TNNI3K: variants seen among roughly 807,000 people sequenced by gnomAD.
TNNI3K encodes TNNI3 interacting kinase.
A neutral mutation model predicts 114.5 loss-of-function variants in TNNI3K; 140 were observed. The observed-to-expected ratio is 1.22, with a 90% CI of 1.07 to 1.41. TNNI3K has a LOEUF of 1.41. TNNI3K is among the 40% of genes most tolerant of loss of function. The probability of loss-of-function intolerance (pLI) is 0.00; values close to 1 mark genes in which losing one functional copy is unlikely to be tolerated. For synonymous variants in TNNI3K, 347 were observed against 347.5 expected (o/e 1.00, Z 0.02); for missense variants, 1,125 against 1,007.6 (o/e 1.12, Z -1.58).
chr1:74,394,257 T>C (rs1368881011), intron 17 of TNNI3K, among the ~76,000 whole-genome samples: 2 of 152,214 alleles, frequency 1.3e-5, no homozygotes, highest in South Asian at 4.1e-4. Context: ...TTAGAAAGCT[T>C]TTAGGTGTTG....
At chr1:74,304,615 A>G (rs1438668497) in intron 5 of TNNI3K, among the ~76,000 whole-genome samples, 1 of 151,948 alleles carries the variant, frequency 6.6e-6, no homozygotes, top group Non-Finnish European at 1.5e-5. Flanking sequence ...TCTAATTTTT[A>G]TTTTTTTTTT....
At chr1:74,309,829 A>G (rs562324231) in intron 5 of TNNI3K, among the ~76,000 whole-genome samples, 20 of 152,322 alleles carry the variant, frequency 1.3e-4, no homozygotes, top group Non-Finnish European at 2.1e-4. Context: ...AGAGCCATCT[A>G]TGACAAACTA....
intron 5 of TNNI3K, among the ~76,000 whole-genome samples, chr1:74,289,309 TTTG>T (rs1233795865): frequency 1.7e-4 from 26 of 152,012 alleles, no homozygotes; most frequent in Middle Eastern, 3.2e-3. Flanking sequence ...TTTAAAAATT[TTTG>T]TTTAAAACGT....
rs1656081707 is a variant in TNNI3K, at chr1:74,267,631, C to A, written c.334-3967C>A. Among the ~76,000 whole-genome samples, 3 of 151,848 alleles carry A rather than the reference C, an allele frequency of 2.0e-5. No homozygotes were observed. In the South Asian group the frequency reaches 6.2e-4, roughly 32 times the overall value. ...TTCATGGAAGTTGGCTCATAGTAAG[C>A]AATTTATATGCAGCAATTACTGCTT... On this transcript the variant is annotated intron_variant, in intron 4 of 24. Transcript: ENST00000326637.
At chr1:74,249,146 G>A (rs1277811403) in intron 2 of TNNI3K, among the ~76,000 whole-genome samples, 1 of 150,670 alleles carries the variant, frequency 6.6e-6, no homozygotes, top group South Asian at 2.1e-4. Flanking sequence ...GTCTGACCTT[G>A]GTTTTACTTG....
chr1:74,406,291 C>G (rs1664609476), intron 17 of TNNI3K, among the ~76,000 whole-genome samples: 2 of 152,170 alleles, frequency 1.3e-5, no homozygotes, highest in Non-Finnish European at 2.9e-5. Flanking sequence ...AATGTGTAAA[C>G]TTTCTTAAAA....
intron 7 of TNNI3K, among the ~76,000 whole-genome samples, chr1:74,336,687 T>A (rs1660486413): frequency 6.6e-6 from 1 of 151,644 alleles, no homozygotes; most frequent in African/African-American, 2.4e-5. Flanking sequence ...AACTCATCAT[T>A]TTTTATGGCT....
intron 21 of TNNI3K, chr1:74,475,849 G>A: frequency 3.8e-6 from 2 of 531,064 alleles, no homozygotes; most frequent in African/African-American, 1.9e-5. Flanking sequence ...ATAACATCTT[G>A]GGAAGAAACA....
At chr1:74,433,453 T>C (rs1229138177) in intron 17 of TNNI3K, among the ~76,000 whole-genome samples, 1 of 152,084 alleles carries the variant, frequency 6.6e-6, no homozygotes, top group Non-Finnish European at 1.5e-5. Context: ...ATCTTAGAGA[T>C]GGTATTACAA....
At chr1:74,466,503 C>A (rs568166961) in intron 21 of TNNI3K, among the ~76,000 whole-genome samples, 1 of 152,242 alleles carries the variant, frequency 6.6e-6, no homozygotes, top group East Asian at 1.9e-4. Flanking sequence ...GATTGCTTAG[C>A]AGAAAAGTTG....
intron 17 of TNNI3K, among the ~76,000 whole-genome samples, chr1:74,420,640 G>T (rs1262016464): frequency 2.0e-5 from 3 of 152,108 alleles, no homozygotes; most frequent in Non-Finnish European, 4.4e-5. Context: ...TTAAGCAGCT[G>T]CATTCAAACT....
chr1:74,480,727 CTGCAGGCTGTGAAGCT>C, intron 21 of TNNI3K: 1 of 717,504 alleles, frequency 1.4e-6, no homozygotes, highest in Non-Finnish European at 2.6e-6. Flanking sequence ...GCACCAGTAC[CTGCAGGCTGTGAAGCT>C]TGCTGAAGGT....
At chr1:74,288,758 A>G (rs1400828354) in intron 5 of TNNI3K, among the ~76,000 whole-genome samples, 1 of 152,088 alleles carries the variant, frequency 6.6e-6, no homozygotes, top group Non-Finnish European at 1.5e-5. Flanking sequence ...AAGAGAGTAA[A>G]TCTTAAATGT....
At chr1:74,337,749 G>T in intron 7 of TNNI3K, among the ~76,000 whole-genome samples, 1 of 151,964 alleles carries the variant, frequency 6.6e-6, no homozygotes, top group East Asian at 1.9e-4. Flanking sequence ...TACCACCAAA[G>T]GTAATTAATA....
chr1:74,378,604 A>ATATATATATG (rs1663031236), intron 17 of TNNI3K: 1 of 60,044 alleles, frequency 1.7e-5, no homozygotes, highest in African/African-American at 7.9e-5. Flanking sequence ...TTATATATAT[A>ATATATATATG]TATATATATA....
intron 5 of TNNI3K, among the ~76,000 whole-genome samples, chr1:74,327,209 G>T (rs1018730744): frequency 1.3e-5 from 2 of 151,222 alleles, no homozygotes; most frequent in African/African-American, 2.4e-5. Flanking sequence ...TATTGTAAAG[G>T]GTAATTCATA....
At chr1:74,511,086 C>T (rs747964406) in intron 23 of TNNI3K, among the ~76,000 whole-genome samples, 74 of 152,158 alleles carry the variant, frequency 4.9e-4, no homozygotes, top group Non-Finnish European at 8.2e-4. Flanking sequence ...CAGAGTTTCA[C>T]CATGTTGGCC....
intron 7 of TNNI3K, among the ~76,000 whole-genome samples, chr1:74,337,391 T>C (rs1660529490): frequency 6.6e-6 from 1 of 151,818 alleles, no homozygotes; most frequent in Non-Finnish European, 1.5e-5. Flanking sequence ...TTTGTTGCCA[T>C]TGCTTTTGGT....
intron 23 of TNNI3K, among the ~76,000 whole-genome samples, chr1:74,503,131 A>G (rs1669719037): frequency 1.3e-5 from 2 of 152,278 alleles, no homozygotes; most frequent in South Asian, 4.1e-4. Flanking sequence ...GAAAAAAACA[A>G]CAACAATCTT....
Sources: gnomAD v4.1 joint callset for allele counts (sites outside exome capture counted in the v4.1 genomes callset) on GRCh38, gnomAD v4.1.1 for gene constraint, MANE v1.5 for transcripts, NCBI Gene and HGNC (gene_info 2026-07-23, HGNC 2026-07-21) for gene names.